Variants in WASF3 observed in about 807,000 individuals in gnomAD.
WASF3 encodes actin-binding protein WASF3.
A neutral mutation model predicts 46.6 loss-of-function variants in WASF3; 11 were observed. The observed-to-expected ratio is 0.24, with a 90% CI of 0.15 to 0.39. WASF3 has a LOEUF of 0.39. WASF3 is among the 10% of genes least tolerant of loss of function. The pLI is 1.00. For synonymous variants in WASF3, 242 were observed against 259.7 expected (o/e 0.93, Z 0.65); for missense variants, 576 against 669.8 (o/e 0.86, Z 1.55).
chr13:26,654,696 TTTTC>T (rs1229903701), intron 3 of WASF3, among the ~76,000 whole-genome samples: 2 of 152,210 alleles, frequency 1.3e-5, no homozygotes, highest in East Asian at 3.8e-4. Context: ...TATGGTTGAC[TTTTC>T]TTTCTGTTTT....
chr13:26,568,868 C>A (rs1879550176), intron 1 of WASF3, among the ~76,000 whole-genome samples: 1 of 152,120 alleles, frequency 6.6e-6, no homozygotes, highest in South Asian at 2.1e-4. Context: ...GTATGCCTGG[C>A]AGTATGAATT....
the WASF3 span, among the ~76,000 whole-genome samples, chr13:26,539,341 G>GA: frequency 6.6e-6 from 1 of 152,106 alleles, no homozygotes; most frequent in South Asian, 2.1e-4. Flanking sequence ...GGATCCGGTG[G>GA]AAAAATGAGA....
intron 3 of WASF3, among the ~76,000 whole-genome samples, chr13:26,659,152 C>T (rs763317234): frequency 8.5e-5 from 13 of 152,174 alleles, no homozygotes; most frequent in Non-Finnish European, 1.6e-4. Flanking sequence ...GAGGTGATGG[C>T]ATTTAGCCAG....
intron 1 of WASF3, among the ~76,000 whole-genome samples, chr13:26,564,850 A>G (rs1479777749): frequency 6.7e-6 from 1 of 148,688 alleles, no homozygotes; most frequent in African/African-American, 2.5e-5. Flanking sequence ...TTGCTCTACT[A>G]CCATCACTTA....
At chr13:26,620,538 C>G (rs141507641) in intron 2 of WASF3, 40 of 152,192 alleles carry the variant, frequency 2.6e-4, no homozygotes, top group African/African-American at 9.1e-4. Context: ...AGTTGTAGAA[C>G]AGCAGCTTTT....
intron 5 of WASF3, among the ~76,000 whole-genome samples, chr13:26,668,226 G>C (rs1018599462): frequency 6.6e-6 from 1 of 152,110 alleles, no homozygotes; most frequent in African/African-American, 2.4e-5. Context: ...AATAAATAGT[G>C]CAAAAAAATA....
chr13:26,588,718 G>T (rs1313716929), intron 1 of WASF3, among the ~76,000 whole-genome samples: 1 of 152,094 alleles, frequency 6.6e-6, no homozygotes, highest in African/African-American at 2.4e-5. Flanking sequence ...GGCCAACACC[G>T]GGATTTTTCA....
chr13:26,613,340 A>C (rs1237187000), intron 2 of WASF3, among the ~76,000 whole-genome samples: 1 of 152,000 alleles, frequency 6.6e-6, no homozygotes, highest in African/African-American at 2.4e-5. Context: ...TTTATGACTT[A>C]TTAAGCTGAG....
chr13:26,549,067 C>T, the WASF3 span, among the ~76,000 whole-genome samples: 22 of 151,524 alleles, frequency 1.5e-4, no homozygotes, highest in South Asian at 2.1e-4. Context: ...CTGCAACCTC[C>T]GACTCCCTGG....
At chr13:26,636,540 A>C (rs544896038) in intron 2 of WASF3, among the ~76,000 whole-genome samples, 73 of 152,368 alleles carry the variant, frequency 4.8e-4, no homozygotes, top group Admixed American at 6.5e-5. Flanking sequence ...AGTCCCAATG[A>C]GAGGAACCAG....
the WASF3 span, among the ~76,000 whole-genome samples, chr13:26,546,231 T>G: frequency 6.6e-6 from 1 of 152,140 alleles, no homozygotes; most frequent in Non-Finnish European, 1.5e-5. Flanking sequence ...CCTGGAAGAT[T>G]CAAATGAAGC....
chr13:26,672,138 TC>T, intron 6 of WASF3, 149 bp downstream of exon 6: 1 of 641,366 alleles, frequency 1.6e-6, no homozygotes, highest in East Asian at 2.9e-5. Context: ...TCCTGACAAT[TC>T]AGTCAAACAC....
Position 26,686,010 on chromosome 13 carries a change from G to A in WASF3, c.*165G>A. 1 of 867,126 alleles carries A rather than the reference G, an allele frequency of 1.2e-6. No homozygotes were observed. The allele number at this position is 867,126 out of a possible 1,614,324, so 53.7% of individuals were successfully genotyped here. Reference sequence around the variant, plus strand: ...ATTCTGGGTCTTTTCAGTATTTACTGTGTAATACTTAAGTGCCACTAAACA... The same window carrying A: ...ATTCTGGGTCTTTTCAGTATTTACTATGTAATACTTAAGTGCCACTAAACA... On this transcript the variant is annotated 3_prime_UTR_variant, in exon 10 of 10. Transcript: ENST00000335327.
At chr13:26,637,858 C>G (rs1220497632) in intron 2 of WASF3, among the ~76,000 whole-genome samples, 1 of 152,246 alleles carries the variant, frequency 6.6e-6, no homozygotes, top group Non-Finnish European at 1.5e-5. Flanking sequence ...ATCTCACCAC[C>G]TGCTTTCTCA....
At chr13:26,576,231 C>T (rs1879791455) in intron 1 of WASF3, among the ~76,000 whole-genome samples, 1 of 152,014 alleles carries the variant, frequency 6.6e-6, no homozygotes. Flanking sequence ...TCATTTGAAT[C>T]TATTATTCTC....
chr13:26,632,085 G>A (rs1454894544), intron 2 of WASF3, among the ~76,000 whole-genome samples: 3 of 152,094 alleles, frequency 2.0e-5, no homozygotes, highest in Non-Finnish European at 4.4e-5. Context: ...GAGACGATGG[G>A]GTTTTCTAAA....
chr13:26,603,057 G>C (rs1234690032), intron 1 of WASF3, among the ~76,000 whole-genome samples: 2 of 152,132 alleles, frequency 1.3e-5, no homozygotes, highest in African/African-American at 2.4e-5. Context: ...GGCGATAAGG[G>C]CCCATGGGGA....
At chr13:26,618,901 T>A (rs1053858542) in intron 2 of WASF3, 17 of 152,216 alleles carry the variant, frequency 1.1e-4, no homozygotes, top group African/African-American at 4.1e-4. Context: ...CAACCACACA[T>A]CTCGTGGCCA....
Position 26,622,326 on chromosome 13 carries a change from A to G in WASF3, c.-11+9268A>G, listed in dbSNP as rs949107654. On this transcript the variant is annotated intron_variant, in intron 2 of 9. Transcript: ENST00000335327. ...ACAAAATCTATTCAGTTAATTTTGT[A>G]TAGTCAACTACCTCTACCTACCAGT... 7.2e-5 allele frequency among the ~76,000 whole-genome samples: 11 copies of G among 152,332 alleles called. 1 individual carries two copies. The highest frequency in any genetic ancestry group is 7.2e-4 in the Admixed American group (11 of 15,298).
Sources: allele counts gnomAD v4.1 joint callset (sites outside exome capture counted in the v4.1 genomes callset), GRCh38; gene constraint gnomAD v4.1.1; transcripts MANE v1.5; gene names NCBI Gene and HGNC (gene_info 2026-07-23, HGNC 2026-07-21).